LRP1B: variants seen among roughly 807,000 people sequenced by gnomAD.
LRP1B encodes the protein low-density lipoprotein receptor-related protein 1B.
LRP1B carries 217 observed loss-of-function variants against 556.6 expected under a neutral mutation model. The ratio of observed to expected loss-of-function variants is 0.39; its 90% CI spans 0.35 to 0.44. The LOEUF (loss-of-function observed/expected upper bound fraction) is 0.44, where lower values mean the gene tolerates loss of function less well. Ranked by LOEUF, LRP1B falls within the 20% of genes least tolerant of loss-of-function variation. LRP1B has a pLI of 1.00. For synonymous variants in LRP1B, 2,047 were observed against 1,865.8 expected (o/e 1.10, Z -2.50); for missense variants, 5,053 against 5,620.8 (o/e 0.90, Z 3.23).
Position 140,886,331 on chromosome 2 carries a change from A to C in LRP1B, c.3771T>G (p.Pro1257=). The C allele has an allele frequency of 2.6e-6, 4 of 1,544,626 alleles. No individual in the cohort carries two copies. Among genetic ancestry groups the C allele is most frequent in the Non-Finnish European group, 3.5e-6 (4 of 1,141,382 alleles). ...VDGESCTSVD[P]FEAFIIFSIR... Reference sequence around the variant, plus strand: ...TAGAAAAGATGATGAATGCTTCAAAAGGATCTGAAATTAAATTTATTTTTA... The same window carrying C: ...TAGAAAAGATGATGAATGCTTCAAACGGATCTGAAATTAAATTTATTTTTA... Residue 1257 remains proline (P), a synonymous_variant, in exon 24 of 91, where the codon CCT becomes CCG. Transcript: ENST00000389484.
chr2:141,066,322 C>T (rs1032674732), intron 7 of LRP1B, among the ~76,000 whole-genome samples: 3 of 151,946 alleles, frequency 2.0e-5, no homozygotes, highest in African/African-American at 7.2e-5. Context: ...CCCCGTTTCA[C>T]TACAGTCATA....
chr2:140,526,172 C>T, intron 48 of LRP1B, 65 bp downstream of exon 48: 1 of 1,474,898 alleles, frequency 6.8e-7, no homozygotes, highest in Non-Finnish European at 9.5e-7. Context: ...AAATCTTGCA[C>T]AGTGTTCAAT....
intron 59 of LRP1B, among the ~76,000 whole-genome samples, chr2:140,476,427 C>T (rs145608580): frequency 1.3e-5 from 2 of 152,022 alleles, no homozygotes; most frequent in African/African-American, 2.4e-5. Flanking sequence ...GATTGTAAAA[C>T]TGGTATATTC....
intron 2 of LRP1B, among the ~76,000 whole-genome samples, chr2:141,714,061 C>T (rs1692475523): frequency 6.6e-6 from 1 of 152,106 alleles, no homozygotes; most frequent in Non-Finnish European, 1.5e-5. Context: ...ATTCCAGTAT[C>T]TTTCCTTCTT....
intron 2 of LRP1B, among the ~76,000 whole-genome samples, chr2:141,610,170 C>G (rs539324891): frequency 2.3e-4 from 35 of 151,944 alleles, no homozygotes; most frequent in Admixed American, 5.2e-4. Flanking sequence ...ATCAAGAAAC[C>G]CTATTTCGTG....
intron 4 of LRP1B, among the ~76,000 whole-genome samples, chr2:141,253,811 C>CAG (rs1305022230): frequency 3.3e-5 from 5 of 150,690 alleles, no homozygotes; most frequent in East Asian, 1.9e-4. Flanking sequence ...AAGAGAGAGG[C>CAG]AGAGAGAGAG....
chr2:141,229,136 A>G lies in LRP1B; in HGVS notation c.850+47T>C, dbSNP rs190682862. On this transcript the variant is annotated intron_variant, in intron 6 of 90. Transcript: ENST00000389484. ...GAGAATCCAGCCTACGGGTCTGTAAATGAAATCAGTAAAGGGTGGCATATA... is the reference window on the plus strand; with the variant it reads ...GAGAATCCAGCCTACGGGTCTGTAAGTGAAATCAGTAAAGGGTGGCATATA... 1.9e-4 allele frequency: 300 copies of G among 1,594,386 alleles called. 1 individual carries two copies. The African/African-American group carries it at 2.7e-3, about 15-fold the overall frequency.
intron 1 of LRP1B, among the ~76,000 whole-genome samples, chr2:142,100,766 G>A (rs1706542279): frequency 6.6e-6 from 1 of 151,926 alleles, no homozygotes; most frequent in African/African-American, 2.4e-5. Flanking sequence ...GCTGCTTTAA[G>A]GATTCTTTAA....
At chr2:141,291,878 A>AAAAAAAAC (rs1685977622) in intron 3 of LRP1B, among the ~76,000 whole-genome samples, 1 of 77,626 alleles carries the variant, frequency 1.3e-5, no homozygotes. Flanking sequence ...AAAAAAAAAA[A>AAAAAAAAC]AAAAAAAAAA....
At chr2:141,930,140 C>T (rs1054690583) in intron 1 of LRP1B, among the ~76,000 whole-genome samples, 4 of 151,880 alleles carry the variant, frequency 2.6e-5, no homozygotes, top group African/African-American at 4.8e-5. Flanking sequence ...CAAACCACCA[C>T]ATCTTGGATT....
At chr2:141,631,690 T>C (rs1218721104) in intron 2 of LRP1B, among the ~76,000 whole-genome samples, 1 of 152,168 alleles carries the variant, frequency 6.6e-6, no homozygotes, top group Non-Finnish European at 1.5e-5. Flanking sequence ...TTTTGTTCCT[T>C]GTTTCTGCTT....
At chr2:141,746,377 G>A (rs1693915693) in intron 2 of LRP1B, among the ~76,000 whole-genome samples, 1 of 152,144 alleles carries the variant, frequency 6.6e-6, no homozygotes, top group South Asian at 2.1e-4. Flanking sequence ...CTCCCTGTGT[G>A]GATGGGTGCT....
intron 1 of LRP1B, among the ~76,000 whole-genome samples, chr2:141,865,591 CAAAAAAAAAAAAAAAAG>C (rs1301473464): frequency 2.3e-5 from 1 of 43,338 alleles, no homozygotes; most frequent in Middle Eastern, 0.012. Context: ...GACTCCGTCT[CAAAAAAAAAAAAAAAAG>C]AAAAAAAAAA....
intron 2 of LRP1B, among the ~76,000 whole-genome samples, chr2:141,505,365 C>CATT (rs1378194098): frequency 3.9e-5 from 6 of 152,162 alleles, no homozygotes; most frequent in Middle Eastern, 3.4e-3. Flanking sequence ...GAGTAAATAG[C>CATT]ACATTTTAAG....
intron 2 of LRP1B, among the ~76,000 whole-genome samples, chr2:141,672,528 A>T (rs1376522371): frequency 1.3e-5 from 2 of 152,168 alleles, no homozygotes; most frequent in Admixed American, 6.5e-5. Flanking sequence ...TGAACTTATA[A>T]TGTTTGGGTG....
chr2:140,395,482 C>G (rs1684206956), intron 66 of LRP1B, among the ~76,000 whole-genome samples: 1 of 152,198 alleles, frequency 6.6e-6, no homozygotes, highest in African/African-American at 2.4e-5. Flanking sequence ...TCAATGAGCA[C>G]TTACAGGGAC....
rs753089912 is a variant in LRP1B, at chr2:140,634,950, AC to A, written c.6800-33312del. 4.6e-5 allele frequency among the ~76,000 whole-genome samples: 7 copies of A among 152,216 alleles called. No homozygotes were observed. In the East Asian group the frequency reaches 1.3e-3, roughly 29 times the overall value. On this transcript the variant is annotated intron_variant, in intron 41 of 90. Transcript: ENST00000389484. ...TTAAAGAAATCAAAGAAAACTATGA[AC>A]TTTTGTCAATAAAAATGTAACAATA... is the stretch of plus-strand genomic sequence containing the variant.
chr2:142,045,749 C>T (rs1201895935), intron 1 of LRP1B, among the ~76,000 whole-genome samples: 3 of 151,772 alleles, frequency 2.0e-5, no homozygotes, highest in Non-Finnish European at 4.4e-5. Flanking sequence ...TCTCATTTTG[C>T]AAAAGAGTTA....
intron 1 of LRP1B, among the ~76,000 whole-genome samples, chr2:141,897,390 AG>A (rs1456706903): frequency 2.0e-5 from 3 of 152,214 alleles, no homozygotes; most frequent in Non-Finnish European, 4.4e-5. Context: ...GATGTTACTT[AG>A]GGCTGATATT....
Sources: allele counts gnomAD v4.1 joint callset (sites outside exome capture counted in the v4.1 genomes callset), GRCh38; gene constraint gnomAD v4.1.1; transcripts MANE v1.5; gene names NCBI Gene and HGNC (gene_info 2026-07-23, HGNC 2026-07-21).